The following GON4L variants were observed in gnomAD, a reference collection of about 807,000 sequenced individuals.
GON4L encodes the protein gon-4 like.
A neutral mutation model predicts 211.8 loss-of-function variants in GON4L; 87 were observed. The observed-to-expected ratio is 0.41, with a 90% confidence interval of 0.35 to 0.49. The LOEUF (loss-of-function observed/expected upper bound fraction) is 0.49, where lower values mean the gene tolerates loss of function less well. Among genes scored for constraint, GON4L ranks in the 20% least tolerant of loss-of-function variants. GON4L has a pLI of 0.15. For synonymous variants in GON4L, 875 were observed against 962.6 expected (o/e 0.91, Z 1.68); for missense variants, 2,155 against 2,659.5 (o/e 0.81, Z 4.17).
intron 12 of GON4L, among the ~76,000 whole-genome samples, chr1:155,789,459 G>A (rs1388338812): frequency 1.3e-5 from 2 of 151,748 alleles, no homozygotes; most frequent in African/African-American, 2.4e-5. Context: ...GTGAAACCCC[G>A]TCTCTACTAA....
At chr1:155,751,271 C>T (rs985165519) in intron 31 of GON4L, among the ~76,000 whole-genome samples, 5 of 152,168 alleles carry the variant, frequency 3.3e-5, no homozygotes, top group South Asian at 4.1e-4. Context: ...AAATCCTGGC[C>T]GGGCGCAGTA....
chr1:155,830,095 CGT>C (rs770297264), intron 2 of GON4L, among the ~76,000 whole-genome samples: 15 of 151,872 alleles, frequency 9.9e-5, no homozygotes, highest in Non-Finnish European at 2.1e-4. Flanking sequence ...GGATTACAGG[CGT>C]GTGTCACCAC....
downstream of GON4L, chr1:155,748,121 T>C: frequency 1.2e-6 from 2 of 1,600,018 alleles, no homozygotes; most frequent in Non-Finnish European, 1.7e-6. Flanking sequence ...CTTACCTGCA[T>C]TATGATGTAA....
intron 20 of GON4L, chr1:155,767,164 C>T: frequency 2.3e-6 from 2 of 867,398 alleles, no homozygotes; most frequent in Non-Finnish European, 3.5e-6. Flanking sequence ...ATCAAATCTA[C>T]AAAGACCACA....
In GON4L at chr1:155,766,320, T is replaced by C. The variant is rs1472205895; in HGVS notation, c.3153A>G (p.Thr1051=). The change falls in exon 21 of 32, where the codon ACA becomes ACG. Residue 1051 remains threonine (T), a synonymous_variant. Transcript: ENST00000368331. ...HPIQPATVLQ[T]VPGVPPLGVS... ...CCCCCAGTGGAGGGACACCTGGAAC[T>C]GTCTGTAAAACAGTGGCTGGCTGTA... 3 of 1,614,134 alleles carry C rather than the reference T, an allele frequency of 1.9e-6. No individual in the cohort carries two copies. The highest frequency in any genetic ancestry group is 2.5e-6 in the Non-Finnish European group (3 of 1,180,012).
intron 27 of GON4L, among the ~76,000 whole-genome samples, chr1:155,756,261 A>G (rs1661169357): frequency 6.6e-6 from 1 of 152,188 alleles, no homozygotes; most frequent in Admixed American, 6.5e-5. Context: ...CATTATTATT[A>G]ATATGGGGAA....
At chr1:155,844,845 T>G (rs939665275) in intron 2 of GON4L, among the ~76,000 whole-genome samples, 1 of 152,192 alleles carries the variant, frequency 6.6e-6, no homozygotes, top group Non-Finnish European at 1.5e-5. Context: ...GCAGCTATCT[T>G]GTAACTATGA....
chr1:155,757,312 C>G lies in GON4L; in HGVS notation c.5265G>C (p.Gln1755His). Residue 1755 changes from glutamine to histidine, a missense_variant, in exon 26 of 32, where the codon CAG becomes CAC. This residue lies in a region of GON4L where 455 missense variants were observed against 504.6 expected (regional missense o/e 0.90). Coordinates refer to ENST00000368331, the MANE Select transcript of GON4L (RefSeq NM_001282860.2). ...CGTGGCCCTTGAGGAGCTGCCACAT[C>G]TGTGTCTTGAGCTGAGGAGAGTCAC... is the stretch of plus-strand genomic sequence containing the variant. ...LPQEITELKT[Q>H]MWQLLKGHDH... The G allele has an allele frequency of 6.2e-7, 1 of 1,613,684 alleles. No individual in the cohort carries two copies. The highest frequency in any genetic ancestry group is 8.5e-7 in the Non-Finnish European group (1 of 1,179,846).
chr1:155,829,736 C>CATAA (rs777609467), intron 2 of GON4L, among the ~76,000 whole-genome samples: 4 of 152,264 alleles, frequency 2.6e-5, no homozygotes, highest in Non-Finnish European at 5.9e-5. Context: ...CTCTATTTCT[C>CATAA]TTATTCTGCT....
downstream of GON4L, chr1:155,749,293 C>T: frequency 6.2e-7 from 1 of 1,611,390 alleles, no homozygotes; most frequent in Admixed American, 1.7e-5. Context: ...CATGCTGCCA[C>T]AGACTAATGG....
chr1:155,846,066 A>G (rs572445885), intron 2 of GON4L: 1 of 220,944 alleles, frequency 4.5e-6, no homozygotes, highest in South Asian at 8.3e-5. Context: ...CAGGTCTTCA[A>G]GCTGCTGCCA....
chr1:155,767,400 C>T (rs1039179757), intron 20 of GON4L, 25 bp downstream of exon 20: 3 of 1,613,916 alleles, frequency 1.9e-6, no homozygotes, highest in Non-Finnish European at 2.5e-6. Context: ...CTGCCTCCTA[C>T]AGACTTCGAG....
intron 6 of GON4L, 141 bp downstream of exon 6, chr1:155,820,465 A>G (rs998699360): frequency 2.9e-6 from 2 of 684,646 alleles, no homozygotes; most frequent in Admixed American, 4.1e-5. Flanking sequence ...TCATGTAGAA[A>G]CAATTCTACT....
intron 2 of GON4L, among the ~76,000 whole-genome samples, chr1:155,842,722 A>C (rs1670889372): frequency 6.6e-6 from 1 of 151,650 alleles, no homozygotes. Flanking sequence ...CTGTAGTCCC[A>C]GCTACTCAGA....
Position 155,835,170 on chromosome 1 carries a change from C to G in GON4L, c.506-8142G>C, listed in dbSNP as rs992090588. ...ATCCTGTTGATCTGTGACCTTACCC[C>G]CAACCCTGTGCTCTCTGAAACATGT... On this transcript the variant is annotated intron_variant, in intron 2 of 31. Transcript: ENST00000368331. Among the ~76,000 whole-genome samples the G allele has an allele frequency of 3.3e-5, 5 of 152,132 alleles. No homozygotes were observed. The South Asian group carries it at 1.0e-3, about 32-fold the overall frequency.
At chr1:155,766,742 A>G (rs957939881) in intron 20 of GON4L, 33 bp from the exon 21 acceptor site, 9 of 1,613,278 alleles carry the variant, frequency 5.6e-6, no homozygotes, top group Non-Finnish European at 7.6e-6. Context: ...GATCCAGCAT[A>G]TGTCAGAATT....
chr1:155,821,601 A>G (rs1159019302), intron 4 of GON4L, 53 bp from the exon 5 acceptor site: 16 of 983,314 alleles, frequency 1.6e-5, no homozygotes, highest in Non-Finnish European at 2.5e-5. Flanking sequence ...CACCTAGACA[A>G]TACTCATCTC....
intron 17 of GON4L, among the ~76,000 whole-genome samples, chr1:155,774,306 GAT>G (rs1491212259): frequency 2.8e-3 from 307 of 109,644 alleles, no homozygotes; most frequent in Non-Finnish European, 3.5e-3. Context: ...AAAGTTAGTT[GAT>G]TTTTTTTTTT....
intron 12 of GON4L, among the ~76,000 whole-genome samples, chr1:155,789,678 C>T (rs1396054748): frequency 6.6e-6 from 1 of 151,794 alleles, no homozygotes; most frequent in East Asian, 1.9e-4. Flanking sequence ...AAGATGCATC[C>T]ACAGACGGAC....
Sources: allele counts gnomAD v4.1 joint callset (sites outside exome capture counted in the v4.1 genomes callset), GRCh38; gene constraint gnomAD v4.1.1; regional missense constraint gnomAD v4.1.1; transcripts MANE v1.5; gene names NCBI Gene and HGNC (gene_info 2026-07-23, HGNC 2026-07-21).